Variants in DIP2C observed in about 807,000 individuals in gnomAD.
DIP2C encodes disco-interacting protein 2 homolog C.
In DIP2C, 33 loss-of-function variants were observed where a neutral mutation model predicts 192.4. The observed-to-expected ratio is 0.17, with a 90% CI of 0.13 to 0.23. The LOEUF (loss-of-function observed/expected upper bound fraction) is 0.23, where lower values mean the gene tolerates loss of function less well. Among genes scored for constraint, DIP2C ranks in the 10% least tolerant of loss-of-function variants. The pLI, the probability that DIP2C is intolerant of heterozygous loss-of-function variation, is 1.00. For synonymous variants in DIP2C, 979 were observed against 864.1 expected (o/e 1.13, Z -2.33); for missense variants, 1,537 against 2,110.1 (o/e 0.73, Z 5.32).
chr10:566,814 C>T (rs1849492638), intron 1 of DIP2C, among the ~76,000 whole-genome samples: 1 of 152,220 alleles, frequency 6.6e-6, no homozygotes, highest in Admixed American at 6.5e-5. Context: ...TGCGGAGCAG[C>T]GTCTATGGCT....
chr10:281,604 C>T (rs1040890735), intron 35 of DIP2C, among the ~76,000 whole-genome samples: 60 of 152,230 alleles, frequency 3.9e-4, no homozygotes, highest in African/African-American at 1.2e-3. Flanking sequence ...GATATCCAGT[C>T]AACTGCCTGA....
chr10:669,926 C>T (rs1049748752), intron 1 of DIP2C, among the ~76,000 whole-genome samples: 7 of 152,164 alleles, frequency 4.6e-5, no homozygotes, highest in Non-Finnish European at 1.0e-4. Context: ...TTTAATATGA[C>T]AATTTCCATT....
chr10:447,130 G>C (rs1206337560), intron 3 of DIP2C, among the ~76,000 whole-genome samples: 1 of 152,198 alleles, frequency 6.6e-6, no homozygotes, highest in Admixed American at 6.5e-5. Flanking sequence ...CAGAAACAAA[G>C]GGCTTGTCAC....
chr10:378,463 G>A (rs116934662), intron 17 of DIP2C, among the ~76,000 whole-genome samples: 1,560 of 152,240 alleles, frequency 0.01, 15 homozygotes, highest in Non-Finnish European at 0.014. Flanking sequence ...ACACAAACAT[G>A]CCTAGACAAA....
At chr10:475,339 G>C (rs532434161) in intron 2 of DIP2C, among the ~76,000 whole-genome samples, 1 of 152,314 alleles carries the variant, frequency 6.6e-6, no homozygotes, top group African/African-American at 2.4e-5. Context: ...TATAGTCACT[G>C]ACAGCACAGT....
chr10:512,421 T>TAAA (rs1348114993), intron 1 of DIP2C, among the ~76,000 whole-genome samples: 1 of 151,494 alleles, frequency 6.6e-6, no homozygotes, highest in Admixed American at 6.6e-5. Flanking sequence ...AAAATAAAAA[T>TAAA]AAAAAATTAG....
chr10:348,963 G>A (rs1026183066), intron 25 of DIP2C, among the ~76,000 whole-genome samples: 1 of 152,202 alleles, frequency 6.6e-6, no homozygotes, highest in East Asian at 1.9e-4. Context: ...ATGAGGTGAC[G>A]AGGCAGCCTG....
At chr10:459,994 C>T (rs1969637687) in intron 3 of DIP2C, among the ~76,000 whole-genome samples, 1 of 151,770 alleles carries the variant, frequency 6.6e-6, no homozygotes, top group African/African-American at 2.4e-5. Flanking sequence ...ACCTGCTGCA[C>T]GTGAGCTCTA....
chr10:303,879 C>T (rs567717765), intron 32 of DIP2C, among the ~76,000 whole-genome samples: 1 of 152,180 alleles, frequency 6.6e-6, no homozygotes, highest in Non-Finnish European at 1.5e-5. Context: ...CACAGACACA[C>T]ATTAATCTGG....
intron 17 of DIP2C, among the ~76,000 whole-genome samples, chr10:381,995 C>T (rs1181723198): frequency 4.6e-5 from 7 of 152,188 alleles, no homozygotes; most frequent in African/African-American, 9.7e-5. Flanking sequence ...GTGGCACCTA[C>T]GTTGACCAAG....
intron 1 of DIP2C, among the ~76,000 whole-genome samples, chr10:543,538 C>T (rs1251397131): frequency 1.3e-5 from 2 of 152,194 alleles, no homozygotes; most frequent in East Asian, 1.9e-4. Flanking sequence ...TCCCTGAATA[C>T]GGTTGTTACG....
At chr10:330,647 C>CT (rs1389437486) in intron 29 of DIP2C, among the ~76,000 whole-genome samples, 3 of 112,720 alleles carry the variant, frequency 2.7e-5, no homozygotes, top group African/African-American at 7.9e-5. Context: ...CACCACCATG[C>CT]TTGTTTTTTT....
chr10:326,096 G>A (rs1348880815), intron 31 of DIP2C, among the ~76,000 whole-genome samples: 1 of 152,162 alleles, frequency 6.6e-6, no homozygotes, highest in Non-Finnish European at 1.5e-5. Context: ...TGGGAGGGTT[G>A]CTTGAGCCTG....
chr10:490,833 C>T (rs893169118), intron 1 of DIP2C, among the ~76,000 whole-genome samples: 6 of 152,050 alleles, frequency 3.9e-5, no homozygotes, highest in Non-Finnish European at 5.9e-5. Context: ...ATTAAAATCA[C>T]AAAGAGGAGA....
At chr10:415,723 A>T (rs1965584258) in intron 7 of DIP2C, 46 bp downstream of exon 7, 2 of 1,607,606 alleles carry the variant, frequency 1.2e-6, no homozygotes, top group Non-Finnish European at 1.7e-6. Context: ...TGTTTACGGG[A>T]CCATAGGAGC....
intron 1 of DIP2C, among the ~76,000 whole-genome samples, chr10:571,777 G>T (rs1168922481): frequency 6.6e-6 from 1 of 152,190 alleles, no homozygotes; most frequent in Non-Finnish European, 1.5e-5. Context: ...CTGTGACCAG[G>T]GGTAGCAACA....
intron 3 of DIP2C, among the ~76,000 whole-genome samples, chr10:456,307 A>G (rs1396229000): frequency 1.8e-4 from 23 of 126,918 alleles, no homozygotes; most frequent in Admixed American, 1.7e-3. Flanking sequence ...ATGAGGAGTA[A>G]ATGAGATGAA....
chr10:281,156 ACT>A (rs1198181517), intron 36 of DIP2C, 42 bp downstream of exon 36: 1 of 1,603,628 alleles, frequency 6.2e-7, no homozygotes, highest in Non-Finnish European at 8.5e-7. Flanking sequence ...TGCTTCACAA[ACT>A]CTGCTCCTGA....
intron 2 of DIP2C, among the ~76,000 whole-genome samples, 189 bp downstream of exon 2, chr10:486,270 A>G (rs1434115257): frequency 1.3e-5 from 2 of 152,194 alleles, no homozygotes; most frequent in Non-Finnish European, 2.9e-5. Flanking sequence ...TTATAGAAAA[A>G]TCCTCTGTGC....
Sources: allele counts gnomAD v4.1 joint callset (sites outside exome capture counted in the v4.1 genomes callset), GRCh38; gene constraint gnomAD v4.1.1; transcripts MANE v1.5; gene names NCBI Gene and HGNC (gene_info 2026-07-23, HGNC 2026-07-21).